The following LRRK1 variants were observed in gnomAD, a reference collection of about 807,000 sequenced individuals.
LRRK1 encodes leucine-rich repeat serine/threonine-protein kinase 1.
A neutral mutation model predicts 209.1 loss-of-function variants in LRRK1; 113 were observed. The observed-to-expected ratio is 0.54, with a 90% CI of 0.46 to 0.63. The LOEUF (loss-of-function observed/expected upper bound fraction) is 0.63, where lower values mean the gene tolerates loss of function less well. Ranked by LOEUF, LRRK1 falls within the 30% of genes least tolerant of loss-of-function variation. LRRK1 has a pLI of 0.00. For synonymous variants in LRRK1, 1,144 were observed against 1,099.7 expected (o/e 1.04, Z -0.80); for missense variants, 2,284 against 2,632.2 (o/e 0.87, Z 2.89).
Position 100,962,297 on chromosome 15 carries a change from A to G in LRRK1, c.98-11507A>G, listed in dbSNP as rs528619702. ...GTAATCCCAGCACTTTGGGAGGCCA[A>G]GGCGGGTGGATCACTTGAGGTCAGG... is the stretch of plus-strand genomic sequence containing the variant. On this transcript the variant is annotated intron_variant, in intron 2 of 33. Transcript: ENST00000388948. 2.0e-5 allele frequency among the ~76,000 whole-genome samples: 3 copies of G among 152,336 alleles called. No individual in the cohort carries two copies. The South Asian group carries it at 6.2e-4, about 32-fold the overall frequency.
chr15:101,075,396 T>A lies in LRRK1; in HGVS notation c.*6548T>A, dbSNP rs1251974664. 8.2e-6 allele frequency: 1 copy of A among 122,280 alleles called. No individual in the cohort carries two copies. The highest frequency in any genetic ancestry group is 3.8e-5 in the African/African-American group (1 of 26,642). 7.6% of individuals were successfully genotyped at this position (122,280 alleles called of 1,614,324 possible). On this transcript the variant is annotated 3_prime_UTR_variant, in exon 34 of 34. Coordinates refer to ENST00000388948, the MANE Select transcript of LRRK1 (RefSeq NM_024652.6). Reference sequence around the variant, plus strand: ...CCTTCTTCCCAATCCAAAGCCTCCTTTGTGTCCTCCTCTTGTATCCCCCGA... The same window carrying A: ...CCTTCTTCCCAATCCAAAGCCTCCTATGTGTCCTCCTCTTGTATCCCCCGA...
At chr15:101,056,782 C>T (rs2035832659) in intron 27 of LRRK1, 74 bp from the exon 28 acceptor site, 2 of 1,211,914 alleles carry the variant, frequency 1.7e-6, no homozygotes, top group Non-Finnish European at 2.3e-6. Context: ...CTCCCTGGTC[C>T]CTCCACCTGA....
intron 32 of LRRK1, 59 bp downstream of exon 32, chr15:101,066,264 A>G: frequency 6.5e-7 from 1 of 1,538,720 alleles, no homozygotes; most frequent in South Asian, 1.2e-5. Flanking sequence ...TGCTCTGGGG[A>G]CAGAGCAAGG....
intron 6 of LRRK1, among the ~76,000 whole-genome samples, chr15:101,007,189 T>G (rs1282351107): frequency 6.6e-6 from 1 of 152,216 alleles, no homozygotes; most frequent in Non-Finnish European, 1.5e-5. Context: ...CGCCAATTTT[T>G]GAGGAATTCA....
chr15:100,964,632 G>A (rs578075323), intron 2 of LRRK1, among the ~76,000 whole-genome samples: 11 of 152,320 alleles, frequency 7.2e-5, no homozygotes, highest in African/African-American at 2.6e-4. Flanking sequence ...CTCTATTGAC[G>A]GAGGCAAATG....
Position 100,945,647 on chromosome 15 carries a change from A to C in LRRK1, c.97+20918A>C, listed in dbSNP as rs372200460. ...TAGCTGGGATCACAGGCGCCCACCA[A>C]CACACTGGCTAATTTTTGTATTTTT... is the stretch of plus-strand genomic sequence containing the variant. On this transcript the variant is annotated intron_variant, in intron 2 of 33. Coordinates refer to ENST00000388948, the MANE Select transcript of LRRK1 (RefSeq NM_024652.6). 1.1e-3 allele frequency among the ~76,000 whole-genome samples: 162 copies of C among 151,642 alleles called. 3 individuals are homozygous for C. The highest frequency in any genetic ancestry group is 3.8e-3 in the African/African-American group (159 of 41,378).
rs188344965 is a variant in LRRK1 at position 101,062,443 on chromosome 15, G to A, written c.4798-131G>A. 734 of 675,550 alleles carry A rather than the reference G, an allele frequency of 1.1e-3. 3 individuals are homozygous for A. The highest frequency in any genetic ancestry group is 0.011 in the African/African-American group (602 of 56,252). 41.8% of individuals were successfully genotyped at this position (675,550 alleles called of 1,614,324 possible). Reference sequence around the variant, plus strand: ...AAATCCATAAACAACCCACCAGAACGTGTCAATCCATGTAACTTTCCAAGA... The same window carrying A: ...AAATCCATAAACAACCCACCAGAACATGTCAATCCATGTAACTTTCCAAGA... On this transcript the variant is annotated intron_variant, in intron 30 of 33. Coordinates refer to ENST00000388948, the MANE Select transcript of LRRK1 (RefSeq NM_024652.6).
intron 15 of LRRK1, among the ~76,000 whole-genome samples, chr15:101,023,179 A>G (rs1311609424): frequency 1.3e-5 from 2 of 152,096 alleles, no homozygotes; most frequent in Non-Finnish European, 2.9e-5. Context: ...CGTCCCTGAC[A>G]CCTGCTTTCA....
In LRRK1 at chr15:101,010,729, A is replaced by G. The variant is rs1400478279; in HGVS notation, c.1173A>G (p.Lys391=). The G allele has an allele frequency of 1.2e-6, 2 of 1,613,274 alleles. No homozygotes were observed. Among genetic ancestry groups the G allele is most frequent in the South Asian group, 1.1e-5 (1 of 91,050 alleles). The change falls in exon 9 of 34, where the codon AAA becomes AAG. Residue 391 remains lysine, a synonymous_variant. Transcript: ENST00000388948. Reference sequence around the variant, plus strand: ...AGGAACTTGATATATCTGACAATAAATTGACAGAACTCCCTGCCCTGTTCC... The same window carrying G: ...AGGAACTTGATATATCTGACAATAAGTTGACAGAACTCCCTGCCCTGTTCC... ...KLQELDISDN[K]LTELPALFLH...
intron 21 of LRRK1, 130 bp downstream of exon 21, chr15:101,046,282 T>G (rs1045328416): frequency 9.5e-7 from 1 of 1,048,786 alleles, no homozygotes; most frequent in Non-Finnish European, 1.4e-6. Flanking sequence ...ATGCCACCAA[T>G]GTAGTGCCAG....
rs558562665 is a variant in LRRK1 at position 100,950,834 on chromosome 15, T to C, written c.98-22970T>C. Among the ~76,000 whole-genome samples, 5 of 152,362 alleles carry C rather than the reference T, an allele frequency of 3.3e-5. No individual in the cohort carries two copies. The East Asian group carries it at 5.8e-4, about 18-fold the overall frequency. ...TTAAAAAAGAGCAGGCCGGGCGCGG[T>C]GGCTCGCGCCTGTCATCCCAGCACT... On this transcript the variant is annotated intron_variant, in intron 2 of 33. Coordinates refer to ENST00000388948, the MANE Select transcript of LRRK1 (RefSeq NM_024652.6).
chr15:101,056,351 C>T (rs2035792485), intron 27 of LRRK1, among the ~76,000 whole-genome samples: 1 of 152,138 alleles, frequency 6.6e-6, no homozygotes, highest in African/African-American at 2.4e-5. Flanking sequence ...AGAATAAGGA[C>T]CATGACATCC....
intron 9 of LRRK1, among the ~76,000 whole-genome samples, chr15:101,011,322 A>T (rs961584251): frequency 5.9e-5 from 9 of 151,684 alleles, no homozygotes; most frequent in African/African-American, 1.2e-4. Flanking sequence ...AAAAAAAAAA[A>T]AAAATAAGCT....
At position 101,062,698 on chromosome 15, in the gene LRRK1, C is replaced by A. The variant is rs768236424; in HGVS notation, c.4914+8C>A. The A allele has an allele frequency of 6.3e-7, 1 of 1,592,994 alleles. No homozygotes were observed. Among genetic ancestry groups the A allele is most frequent in the South Asian group, 1.1e-5 (1 of 90,594 alleles). ...GTGCCTGTTATTAAAAAGGTGAGGT[C>A]GGGGCAAAGGCAGGTATGCAGGTCT... On this transcript the variant is annotated splice_region_variant and intron_variant, in intron 31 of 33. Transcript: ENST00000388948.
intron 2 of LRRK1, among the ~76,000 whole-genome samples, chr15:100,941,288 G>GTCTATGTGTATGTGTCTGTGTC (rs775504144): frequency 1.1e-5 from 1 of 90,066 alleles, no homozygotes; most frequent in African/African-American, 5.6e-5. Flanking sequence ...CCGTGTGTGT[G>GTCTATGTGTATGTGTCTGTGTC]TCTGTGTGTG....
At chr15:101,052,148 C>A (rs2141133955) in intron 24 of LRRK1, among the ~76,000 whole-genome samples, 188 bp downstream of exon 24, 1 of 152,276 alleles carries the variant, frequency 6.6e-6, no homozygotes, top group East Asian at 1.9e-4. Flanking sequence ...AGGCTGCCGG[C>A]TTTCCATTTT....
chr15:100,932,454 A>G (rs1346116313), intron 2 of LRRK1, among the ~76,000 whole-genome samples: 2 of 152,214 alleles, frequency 1.3e-5, no homozygotes, highest in Non-Finnish European at 1.5e-5. Flanking sequence ...GAATCCAACC[A>G]TCTTTCATCA....
intron 2 of LRRK1, among the ~76,000 whole-genome samples, chr15:100,968,694 C>CTTT: frequency 2.6e-5 from 2 of 77,272 alleles, no homozygotes; most frequent in East Asian, 8.5e-4. Flanking sequence ...TTCTTTCTTT[C>CTTT]CTTCCTTCCT....
At position 100,924,712 on chromosome 15, in the gene LRRK1, C is replaced by T; in HGVS notation, c.80C>T (p.Ala27Val). 1 of 1,613,964 alleles carries T rather than the reference C, an allele frequency of 6.2e-7. No homozygotes were observed. Among genetic ancestry groups the T allele is most frequent in the East Asian group, 2.2e-5 (1 of 44,882 alleles). ...PEESAVCPER[A>V]METLNGAGDT... ...GAGTCAGCTGTGTGTCCAGAACGTG[C>T]CATGGAGACGCTTAACGGTAAGGAC... is the stretch of plus-strand genomic sequence containing the variant. Residue 27 changes from alanine (A) to valine (V), a missense_variant, in exon 2 of 34, where the codon GCC (alanine) becomes GTC (valine). Around this residue, in one of 6 missense-constraint regions of LRRK1, gnomAD observed 174 missense variants for 133.5 expected, o/e 1.30. Coordinates refer to ENST00000388948, the MANE Select transcript of LRRK1 (RefSeq NM_024652.6).
Sources: allele counts gnomAD v4.1 joint callset (sites outside exome capture counted in the v4.1 genomes callset), GRCh38; gene constraint gnomAD v4.1.1; regional missense constraint gnomAD v4.1.1; transcripts MANE v1.5; gene names NCBI Gene and HGNC (gene_info 2026-07-23, HGNC 2026-07-21).